The following ANKAR variants were observed in gnomAD, a reference collection of about 807,000 sequenced individuals.
ANKAR encodes the protein ankyrin and armadillo repeat containing, also known as ankyrin and armadillo repeat-containing protein.
Under a neutral mutation model 146.2 loss-of-function variants are expected in ANKAR, and 136 were observed. The ratio of observed to expected loss-of-function variants is 0.93; its 90% CI spans 0.81 to 1.07. The LOEUF (loss-of-function observed/expected upper bound fraction) is 1.07. ANKAR is among the 50% of genes least tolerant of loss of function. The pLI is 0.00. For missense variants in ANKAR, 1,567 were observed against 1,679.9 expected, an observed-to-expected ratio of 0.93 and a Z score of 1.18; for synonymous variants, 500 against 575.8, an observed-to-expected ratio of 0.87 and a Z score of 1.88.
downstream of ANKAR, chr2:189,750,697 A>G (rs2045035428): frequency 2.1e-6 from 3 of 1,455,168 alleles, no homozygotes; most frequent in Non-Finnish European, 2.8e-6. Context: ...TATTTGCTTC[A>G]TGATCCATCA....
Position 189,689,905 on chromosome 2 carries a change from T to C in ANKAR, c.980T>C (p.Leu327Pro), listed in dbSNP as rs761782536. ...KLICFLIPFL[L>P]SLKKKMKVPY... The stretch of plus-strand genomic sequence containing the variant: ...ATATGTTTTCTGATTCCATTTCTAC[T>C]GAGTTTAAAGAAGAAAATGAAAGTT... The change falls in exon 3 of 23, where the codon CTG (leucine) becomes CCG (proline). Residue 327 changes from leucine to proline, a missense_variant. By Grantham distance (98) the Leu-to-Pro change is moderately conservative. Transcript: ENST00000684021. 1.3e-6 allele frequency: 2 copies of C among 1,568,810 alleles called. No homozygotes were observed. The highest frequency in any genetic ancestry group is 2.3e-5 in the East Asian group (1 of 44,186).
chr2:189,717,454 T>C (rs1413071709), intron 10 of ANKAR, among the ~76,000 whole-genome samples: 1 of 152,148 alleles, frequency 6.6e-6, no homozygotes, highest in Admixed American at 6.5e-5. Context: ...CTGGAGAGGA[T>C]GTGGAGAAAT....
rs2038736259 is a variant in ANKAR at position 189,705,082 on chromosome 2, C to T, written c.1768C>T (p.Leu590=). Reference sequence around the variant, plus strand: ...CTCATTAGAAACAACAGTTTGTCTACTGTGTTCCAAAGCTGATTACACGCT... The same window carrying T: ...CTCATTAGAAACAACAGTTTGTCTATTGTGTTCCAAAGCTGATTACACGCT... ...ACSLETTVCL[L]CSKADYTLSE... is the part of the protein sequence containing the mutation. The change falls in exon 8 of 23, where the codon CTG becomes TTG. Residue 590 remains leucine (L), a synonymous_variant. Transcript: ENST00000684021. 1.2e-6 allele frequency: 2 copies of T among 1,613,980 alleles called. No individual in the cohort carries two copies. Among genetic ancestry groups the T allele is most frequent in the African/African-American group, 1.3e-5 (1 of 74,912 alleles).
At chr2:189,728,142 T>A (rs755313888) in intron 13 of ANKAR, 45 bp downstream of exon 13, 3 of 1,548,098 alleles carry the variant, frequency 1.9e-6, no homozygotes, top group South Asian at 2.5e-5. Flanking sequence ...GATGATGTTT[T>A]CTATTTTGAA....
At chr2:189,694,536 G>A (rs1346686976) in intron 5 of ANKAR, among the ~76,000 whole-genome samples, 1 of 152,200 alleles carries the variant, frequency 6.6e-6, no homozygotes, top group Non-Finnish European at 1.5e-5. Context: ...GGTAGGAGGG[G>A]GGTTTCTCTA....
At chr2:189,747,537 CTT>C (rs2044334434), downstream of ANKAR, among the ~76,000 whole-genome samples, 5 of 152,010 alleles carry the variant, frequency 3.3e-5, no homozygotes, top group Admixed American at 3.3e-4. Context: ...TTTATAGTGT[CTT>C]TGGTTTGCAA....
intron 15 of ANKAR, 31 bp from the exon 16 acceptor site, chr2:189,730,464 A>C (rs1238655299): frequency 7.1e-7 from 1 of 1,403,680 alleles, no homozygotes; most frequent in Non-Finnish European, 9.8e-7. Flanking sequence ...GATGGAAAAA[A>C]ATATTACCTC....
Position 189,693,181 on chromosome 2 carries a change from C to G in ANKAR, c.1307+4C>G. The G allele has an allele frequency of 6.6e-7, 1 of 1,524,832 alleles. No individual in the cohort carries two copies. Among genetic ancestry groups the G allele is most frequent in the Non-Finnish European group, 8.9e-7 (1 of 1,120,664 alleles). 94.5% of individuals were successfully genotyped at this position (1,524,832 alleles called of 1,614,324 possible). On this transcript the variant is annotated splice_donor_region_variant and intron_variant, in intron 5 of 22. Transcript: ENST00000684021. ...TCATGGAATTTCATGGAAAAAGGTA[C>G]GGAGCTTTCACTAATTACTGACATT...
chr2:189,727,886 T>C lies in ANKAR; in HGVS notation c.2666T>C (p.Ile889Thr). The C allele has an allele frequency of 2.5e-6, 4 of 1,614,012 alleles. No individual in the cohort carries two copies. In the South Asian group the frequency reaches 4.4e-5, roughly 18 times the overall value. The change falls in exon 13 of 23, where the codon ATT becomes ACT. Residue 889 changes from isoleucine (I) to threonine (T), a missense_variant. By Grantham distance (89) the Ile-to-Thr change is moderately conservative (BLOSUM62 -1). Coordinates refer to ENST00000684021, the MANE Select transcript of ANKAR (RefSeq NM_001378068.1). ...DVLKAVSSAA[I>T]AEVGRDNKEI... is the part of the protein sequence containing the mutation. Reference sequence around the variant, plus strand: ...TTGAAGGCTGTATCTTCTGCTGCAATTGCTGAGGTTGGGCGTGACAATAAG... The same window carrying C: ...TTGAAGGCTGTATCTTCTGCTGCAACTGCTGAGGTTGGGCGTGACAATAAG...
In ANKAR at chr2:189,728,293, A is replaced by C; in HGVS notation, c.2904A>C (p.Gln968His). ...LKAFQIDVKE[Q>H]GAVALWALAG... is the part of the protein sequence containing the mutation. ...CATTTCAAATAGATGTTAAGGAACA[A>C]GGAGCTGTTGCACTTTGGGCCTTGG... is the stretch of plus-strand genomic sequence containing the variant. The change falls in exon 14 of 23, where the codon CAA becomes CAC. Residue 968 changes from glutamine to histidine, a missense_variant. Coordinates refer to ENST00000684021, the MANE Select transcript of ANKAR (RefSeq NM_001378068.1). 1 of 1,609,438 alleles carries C rather than the reference A, an allele frequency of 6.2e-7. No homozygotes were observed. The highest frequency in any genetic ancestry group is 1.7e-4 in the Middle Eastern group (1 of 6,036).
At position 189,704,544 on chromosome 2, in the gene ANKAR, C is replaced by CATATATAT. The variant is rs10578902; in HGVS notation, c.1709-433_1709-426dup. Among the ~76,000 whole-genome samples the CATATATAT allele has an allele frequency of 9.9e-4, 36 of 36,454 alleles. 1 individual carries two copies. The highest frequency in any genetic ancestry group is 1.8e-3 in the East Asian group (2 of 1,136). 23.9% of individuals were successfully genotyped at this position (36,454 alleles called of 152,430 possible). ...TTAGTGACATTGAGGCCTTTGTTAACATATATATATATATATATATATATA... is the reference window on the plus strand; with the variant it reads ...TTAGTGACATTGAGGCCTTTGTTAACATATATATATATATATATATATATATATATATA... On this transcript the variant is annotated intron_variant, in intron 7 of 22. Transcript: ENST00000684021.
downstream of ANKAR, chr2:189,746,801 A>G: frequency 1.4e-6 from 1 of 689,830 alleles, no homozygotes; most frequent in Non-Finnish European, 2.2e-6. Flanking sequence ...GTCAGGTCAG[A>G]GTTATGGTTT....
chr2:189,751,444 G>GTTTTTTT (rs779920289), downstream of ANKAR, among the ~76,000 whole-genome samples: 3 of 126,148 alleles, frequency 2.4e-5, no homozygotes, highest in Admixed American at 8.4e-5. Context: ...GACAAGTTGT[G>GTTTTTTT]TTTTTTTTTT....
downstream of ANKAR, among the ~76,000 whole-genome samples, chr2:189,762,201 T>C (rs1302563034): frequency 6.6e-6 from 1 of 152,222 alleles, no homozygotes; most frequent in African/African-American, 2.4e-5. Flanking sequence ...GAATTAAATC[T>C]CCACTTTTTG....
rs528815204 is a variant in ANKAR at position 189,689,857 on chromosome 2, G to A, written c.932G>A (p.Arg311Lys). 6.2e-7 allele frequency: 1 copy of A among 1,601,470 alleles called. No individual in the cohort carries two copies. Among genetic ancestry groups the A allele is most frequent in the South Asian group, 1.1e-5 (1 of 88,140 alleles). ...KHFEKKKDIR[R>K]GIGYLKLICF... ...TTTGAGAAGAAAAAAGATATCAGAA[G>A]AGGGATAGGATACCTAAAGTTAATA... Residue 311 changes from arginine (R) to lysine (K), a missense_variant, in exon 3 of 23, where the codon AGA (arginine) becomes AAA (lysine). Coordinates refer to ENST00000684021, the MANE Select transcript of ANKAR (RefSeq NM_001378068.1).
chr2:189,700,911 AT>A (rs1483851674), intron 7 of ANKAR, among the ~76,000 whole-genome samples: 6 of 152,326 alleles, frequency 3.9e-5, no homozygotes, highest in African/African-American at 1.4e-4. Context: ...ATCCATCTGA[AT>A]GGATAAATTT....
chr2:189,704,589 ATATATAT>A (rs1387532678), intron 7 of ANKAR, among the ~76,000 whole-genome samples: 1 of 112,172 alleles, frequency 8.9e-6, no homozygotes, highest in Non-Finnish European at 1.9e-5. Context: ...ATATATATAT[ATATATAT>A]AATTTTAATT....
intron 18 of ANKAR, chr2:189,754,258 T>C (rs759014421): frequency 8.7e-6 from 14 of 1,613,798 alleles, no homozygotes; most frequent in Non-Finnish European, 1.1e-5. Flanking sequence ...TGAAATCTAT[T>C]TCCTTGTTTG....
At chr2:189,750,415 T>A, downstream of ANKAR, 1 of 492,792 alleles carries the variant, frequency 2.0e-6, no homozygotes. Flanking sequence ...TTTAACACAT[T>A]ATAGTATCTC....
Sources: allele counts gnomAD v4.1 joint callset (sites outside exome capture counted in the v4.1 genomes callset), GRCh38; gene constraint gnomAD v4.1.1; transcripts MANE v1.5; gene names NCBI Gene and HGNC (gene_info 2026-07-23, HGNC 2026-07-21).